The following SEMA3C variants were observed in gnomAD, a reference collection of about 807,000 sequenced individuals.
SEMA3C encodes the protein semaphorin 3C.
A neutral mutation model predicts 89.4 loss-of-function variants in SEMA3C; 47 were observed. That is an observed-to-expected ratio of 0.53 (90% CI 0.42 to 0.67). SEMA3C has a LOEUF of 0.67. Ranked by LOEUF, SEMA3C falls within the 30% of genes least tolerant of loss-of-function variation. The pLI is 0.00. For synonymous variants in SEMA3C, 310 were observed against 320.2 expected (o/e 0.97, Z 0.34); for missense variants, 839 against 929.1 (o/e 0.90, Z 1.26).
rs1028428173 is a variant in SEMA3C, at chr7:80,852,764, C to T, written c.104-24019G>A. On this transcript the variant is annotated intron_variant, in intron 2 of 17. Transcript: ENST00000265361. ...CGCAATCTTGGCTCACTGCAAGCTCCGCCTCCTGGGTTCATGCCATTCTCC... is the reference window on the plus strand; with the variant it reads ...CGCAATCTTGGCTCACTGCAAGCTCTGCCTCCTGGGTTCATGCCATTCTCC... Among the ~76,000 whole-genome samples, 17 of 151,274 alleles carry T rather than the reference C, an allele frequency of 1.1e-4. No homozygotes were observed. In the East Asian group the frequency reaches 2.3e-3, roughly 21 times the overall value.
At chr7:80,760,566 G>T (rs1788161616) in intron 14 of SEMA3C, among the ~76,000 whole-genome samples, 1 of 152,160 alleles carries the variant, frequency 6.6e-6, no homozygotes, top group Non-Finnish European at 1.5e-5. Context: ...ATTCAGTGAT[G>T]TCAAAAGAGT....
chr7:80,782,822 T>C (rs899134792), intron 12 of SEMA3C, among the ~76,000 whole-genome samples: 1 of 152,182 alleles, frequency 6.6e-6, no homozygotes, highest in African/African-American at 2.4e-5. Flanking sequence ...CAATTCTTCA[T>C]ATGATATTTA....
intron 10 of SEMA3C, among the ~76,000 whole-genome samples, chr7:80,800,076 C>A (rs182321993): frequency 2.0e-5 from 3 of 150,424 alleles, no homozygotes; most frequent in Non-Finnish European, 4.4e-5. Flanking sequence ...CGGCATGAAC[C>A]CCAGAGGCGG....
intron 6 of SEMA3C, among the ~76,000 whole-genome samples, chr7:80,808,404 C>T (rs1446538789): frequency 6.6e-6 from 1 of 152,126 alleles, no homozygotes; most frequent in African/African-American, 2.4e-5. Context: ...AACACTGCTT[C>T]TATTAAATAT....
intron 2 of SEMA3C, among the ~76,000 whole-genome samples, chr7:80,829,094 G>C (rs763488715): frequency 8.4e-4 from 128 of 152,102 alleles, no homozygotes; most frequent in Non-Finnish European, 1.3e-3. Context: ...TTGAGCCTAG[G>C]AAATTGAGGT....
intron 2 of SEMA3C, among the ~76,000 whole-genome samples, chr7:80,908,657 A>T (rs561407436): frequency 6.6e-6 from 1 of 152,212 alleles, no homozygotes; most frequent in African/African-American, 2.4e-5. Flanking sequence ...TATCTGTGCT[A>T]GGGATGGATT....
intron 12 of SEMA3C, among the ~76,000 whole-genome samples, chr7:80,787,945 G>C (rs1788842199): frequency 6.6e-6 from 1 of 152,048 alleles, no homozygotes; most frequent in Non-Finnish European, 1.5e-5. Context: ...ATGCCAAAAA[G>C]GATAACAAAT....
chr7:80,890,784 C>T lies in SEMA3C; in HGVS notation c.103+25895G>A, dbSNP rs1057284591. Among the ~76,000 whole-genome samples the T allele has an allele frequency of 4.6e-5, 7 of 152,206 alleles. 1 individual carries two copies. The highest frequency in any genetic ancestry group is 1.3e-4 in the Admixed American group (2 of 15,276). ...TAATATGATATTATTTGCATATTAT[C>T]ACTTTCTGAAAAATCTCCAACAGTC... On this transcript the variant is annotated intron_variant, in intron 2 of 17. Transcript: ENST00000265361.
intron 13 of SEMA3C, among the ~76,000 whole-genome samples, chr7:80,762,740 G>A (rs1478618443): frequency 6.6e-6 from 1 of 152,186 alleles, no homozygotes; most frequent in East Asian, 1.9e-4. Flanking sequence ...TTGAACCCAG[G>A]AGGCAGAGGT....
intron 2 of SEMA3C, among the ~76,000 whole-genome samples, chr7:80,849,534 G>A (rs1386407114): frequency 6.6e-6 from 1 of 152,086 alleles, no homozygotes; most frequent in East Asian, 1.9e-4. Context: ...ATTAGATAAT[G>A]ATGCACCTTT....
intron 2 of SEMA3C, among the ~76,000 whole-genome samples, chr7:80,868,343 C>T (rs983100755): frequency 6.6e-6 from 1 of 152,168 alleles, no homozygotes; most frequent in Non-Finnish European, 1.5e-5. Context: ...TCTCAGCTCA[C>T]TGCAACCTCC....
chr7:80,744,580 T>C lies in SEMA3C; in HGVS notation c.*314A>G. 2.8e-6 allele frequency: 1 copy of C among 355,578 alleles called. No homozygotes were observed. Among genetic ancestry groups the C allele is most frequent in the Admixed American group, 4.7e-5 (1 of 21,504 alleles). 22.0% of individuals were successfully genotyped at this position (355,578 alleles called of 1,614,324 possible). A position where few individuals can be genotyped will look rare whatever the true frequency, so the allele number is the denominator to read the frequency against. ...AATACCACAGGGATATGGCCCTCATTCAATTGAGGGATGCAACAATTCTAG... is the reference window on the plus strand; with the variant it reads ...AATACCACAGGGATATGGCCCTCATCCAATTGAGGGATGCAACAATTCTAG... On this transcript the variant is annotated 3_prime_UTR_variant, in exon 18 of 18. Coordinates refer to ENST00000265361, the MANE Select transcript of SEMA3C (RefSeq NM_006379.5).
intron 2 of SEMA3C, among the ~76,000 whole-genome samples, chr7:80,859,445 T>C (rs1790719731): frequency 1.3e-5 from 2 of 152,102 alleles, no homozygotes; most frequent in Admixed American, 6.6e-5. Flanking sequence ...TTCAAGTTCA[T>C]CCTAAAGATT....
chr7:80,911,934 CA>C (rs1792162064), intron 2 of SEMA3C, among the ~76,000 whole-genome samples: 1 of 152,082 alleles, frequency 6.6e-6, no homozygotes, highest in South Asian at 2.1e-4. Flanking sequence ...TGCTCGACCA[CA>C]TTTTTTTTTA....
At chr7:80,875,604 AT>A (rs373278723) in intron 2 of SEMA3C, among the ~76,000 whole-genome samples, 332 of 152,138 alleles carry the variant, frequency 2.2e-3, no homozygotes, top group African/African-American at 7.5e-3. Context: ...AGGTCATAAA[AT>A]CCCCCTCCAT....
chr7:80,857,254 C>A (rs1434217567), intron 2 of SEMA3C, among the ~76,000 whole-genome samples: 2 of 152,118 alleles, frequency 1.3e-5, no homozygotes, highest in Non-Finnish European at 2.9e-5. Context: ...TAAACACTCT[C>A]ATGCAGGTTT....
At chr7:80,900,718 T>C (rs1791857905) in intron 2 of SEMA3C, among the ~76,000 whole-genome samples, 1 of 152,150 alleles carries the variant, frequency 6.6e-6, no homozygotes. Flanking sequence ...AAGGCAAAGA[T>C]AAAGGTTGGG....
intron 17 of SEMA3C, among the ~76,000 whole-genome samples, chr7:80,746,999 G>GCAC (rs1787817744): frequency 7.7e-6 from 1 of 130,004 alleles, no homozygotes; most frequent in Non-Finnish European, 1.6e-5. Flanking sequence ...AATGATTAAT[G>GCAC]TTTACACAGT....
chr7:80,841,799 C>T (rs562237504), intron 2 of SEMA3C, among the ~76,000 whole-genome samples: 2 of 152,218 alleles, frequency 1.3e-5, no homozygotes, highest in African/African-American at 4.8e-5. Context: ...AATTTAAAGG[C>T]CCAGACTTTA....
Sources: allele counts gnomAD v4.1 joint callset (sites outside exome capture counted in the v4.1 genomes callset), GRCh38; gene constraint gnomAD v4.1.1; transcripts MANE v1.5; gene names NCBI Gene and HGNC (gene_info 2026-07-23, HGNC 2026-07-21).